LRRC37A: variants seen among roughly 807,000 people sequenced by gnomAD.
LRRC37A encodes the protein leucine rich repeat containing 37A.
LRRC37A carries 3 observed loss-of-function variants against 35.4 expected under a neutral mutation model. The ratio of observed to expected loss-of-function variants is 0.08; its 90% confidence interval spans 0.04 to 0.22. LRRC37A has a LOEUF of 0.22. LRRC37A is among the 10% of genes least tolerant of loss of function. The pLI is 1.00. For synonymous variants in LRRC37A, 23 were observed against 215.0 expected (o/e 0.11, Z 7.81); for missense variants, 67 against 565.3 (o/e 0.12, Z 8.94).
chr17:46,254,282 A>G, the LRRC37A span, among the ~76,000 whole-genome samples: 1 of 145,124 alleles, frequency 6.9e-6, no homozygotes, highest in African/African-American at 2.5e-5. Context: ...TTTCCTTGCC[A>G]GGGACCCGGG....
the LRRC37A span, among the ~76,000 whole-genome samples, chr17:46,250,948 G>T: frequency 2.0e-5 from 3 of 151,878 alleles, no homozygotes; most frequent in African/African-American, 7.3e-5. Flanking sequence ...GTTTGAGAAA[G>T]GTTCTCCCTC....
At chr17:46,267,809 G>C in the LRRC37A span, among the ~76,000 whole-genome samples, 1 of 152,028 alleles carries the variant, frequency 6.6e-6, no homozygotes, top group African/African-American at 2.4e-5. Context: ...TGCCAGAAGG[G>C]ACTGTACAGA....
chr17:46,278,557 C>T, the LRRC37A span, among the ~76,000 whole-genome samples: 14 of 152,050 alleles, frequency 9.2e-5, no homozygotes, highest in African/African-American at 3.4e-4. Flanking sequence ...GCGCTCACCA[C>T]TGCGACCGGC....
At chr17:46,261,171 A>T in the LRRC37A span, among the ~76,000 whole-genome samples, 1 of 152,240 alleles carries the variant, frequency 6.6e-6, no homozygotes, top group African/African-American at 2.4e-5. Context: ...GAACTTACTT[A>T]CGTAACCAAA....
the LRRC37A span, among the ~76,000 whole-genome samples, chr17:46,269,909 G>A: frequency 6.6e-6 from 1 of 152,162 alleles, no homozygotes; most frequent in Non-Finnish European, 1.5e-5. Context: ...CCCAAACCTT[G>A]GAACCAATAT....
chr17:46,255,674 G>GT, the LRRC37A span, among the ~76,000 whole-genome samples: 2 of 128,266 alleles, frequency 1.6e-5, no homozygotes, highest in Non-Finnish European at 1.7e-5. Flanking sequence ...CCCCCAAATT[G>GT]TTTTTTGTTT....
At chr17:46,275,734 G>C in the LRRC37A span, among the ~76,000 whole-genome samples, 1 of 152,198 alleles carries the variant, frequency 6.6e-6, no homozygotes, top group African/African-American at 2.4e-5. Flanking sequence ...TACCATTGTG[G>C]TGAAAGGTGC....
the LRRC37A span, among the ~76,000 whole-genome samples, chr17:46,284,001 A>T: frequency 6.6e-6 from 1 of 152,282 alleles, no homozygotes; most frequent in African/African-American, 2.4e-5. Context: ...TCCAGCCCTA[A>T]GGCGGTTTTT....
intron 5 of LRRC37A, among the ~76,000 whole-genome samples, chr17:46,316,613 GTTTTT>G (rs71273094): frequency 1.5e-5 from 1 of 68,318 alleles, no homozygotes; most frequent in African/African-American, 3.6e-5. Flanking sequence ...TTTTGTTTTT[GTTTTT>G]TTTAATTTTT....
At chr17:46,263,951 C>A in the LRRC37A span, among the ~76,000 whole-genome samples, 7 of 152,056 alleles carry the variant, frequency 4.6e-5, no homozygotes, top group African/African-American at 1.2e-4. Context: ...CCCGCCTCAG[C>A]CTCCCAAAGT....
the LRRC37A span, among the ~76,000 whole-genome samples, chr17:46,280,489 A>G: frequency 6.6e-6 from 1 of 152,216 alleles, no homozygotes; most frequent in Non-Finnish European, 1.5e-5. Flanking sequence ...AGCTTGGGTC[A>G]TATAGCAAGA....
the LRRC37A span, among the ~76,000 whole-genome samples, chr17:46,259,243 G>A: frequency 2.3e-4 from 12 of 51,114 alleles, 1 homozygote; most frequent in African/African-American, 1.5e-3. Flanking sequence ...TTCATGCTAA[G>A]CTGTGGCAGA....
intron 5 of LRRC37A, among the ~76,000 whole-genome samples, chr17:46,317,011 C>A (rs1369889226): frequency 3.1e-5 from 3 of 96,692 alleles, no homozygotes; most frequent in Non-Finnish European, 5.1e-5. Context: ...ATGTCTACTT[C>A]TTTCTACACA....
chr17:46,261,114 A>G, the LRRC37A span, among the ~76,000 whole-genome samples: 1 of 152,228 alleles, frequency 6.6e-6, no homozygotes, highest in Non-Finnish European at 1.5e-5. Flanking sequence ...TGCAGTCTAT[A>G]TTGCTTGGGT....
At chr17:46,265,000 G>A in the LRRC37A span, among the ~76,000 whole-genome samples, 1 of 152,264 alleles carries the variant, frequency 6.6e-6, no homozygotes, top group Non-Finnish European at 1.5e-5. Flanking sequence ...GGACATCTAT[G>A]AACAGGGCCC....
At chr17:46,271,332 ATTTTTTTTTT>A in the LRRC37A span, among the ~76,000 whole-genome samples, 6 of 125,664 alleles carry the variant, frequency 4.8e-5, no homozygotes, top group African/African-American at 1.9e-4. Flanking sequence ...TACCTAGCTA[ATTTTTTTTTT>A]TTTTTTTTTT....
intron 5 of LRRC37A, chr17:46,311,109 C>T (rs1178517773): frequency 7.6e-6 from 2 of 263,946 alleles, no homozygotes; most frequent in African/African-American, 8.8e-5. Context: ...TGCACTCCAG[C>T]CTGGGCAACA....
At chr17:46,262,787 GAAAAAAA>G in the LRRC37A span, among the ~76,000 whole-genome samples, 1 of 124,726 alleles carries the variant, frequency 8.0e-6, no homozygotes, top group South Asian at 2.4e-4. Flanking sequence ...CTCGGTCTTG[GAAAAAAA>G]AAAAAAAGAA....
the LRRC37A span, among the ~76,000 whole-genome samples, chr17:46,265,252 CTTCTTCTTCT>C: frequency 2.7e-4 from 1 of 3,660 alleles, no homozygotes; most frequent in East Asian, 2.9e-3. Context: ...TTCCTTTCTT[CTTCTTCTTCT>C]TCTTCTTCTT....
Sources: gnomAD v4.1 joint callset for allele counts (sites outside exome capture counted in the v4.1 genomes callset) on GRCh38, gnomAD v4.1.1 for gene constraint, MANE v1.5 for transcripts, NCBI Gene and HGNC (gene_info 2026-07-23, HGNC 2026-07-21) for gene names.